IGF2BP3: variants seen among roughly 807,000 people sequenced by gnomAD.
The protein encoded by IGF2BP3 is insulin like growth factor 2 mRNA binding protein 3.
In IGF2BP3, 9 loss-of-function variants were observed where a neutral mutation model predicts 73.8. That is an observed-to-expected ratio of 0.12 (90% CI 0.07 to 0.21). The LOEUF (loss-of-function observed/expected upper bound fraction) is 0.21, where lower values mean the gene tolerates loss of function less well. IGF2BP3 is among the 10% of genes least tolerant of loss of function. IGF2BP3 has a pLI of 1.00. For missense variants in IGF2BP3, 542 were observed against 714.0 expected (o/e 0.76, Z 2.75); for synonymous variants, 258 against 256.7 (o/e 1.01, Z -0.05).
chr7:23,392,427 TATC>T (rs1323036231), intron 3 of IGF2BP3, among the ~76,000 whole-genome samples: 1 of 146,256 alleles, frequency 6.8e-6, no homozygotes, highest in Non-Finnish European at 1.5e-5. Context: ...AAGGACAGCT[TATC>T]ATCATATATA....
chr7:23,338,658 T>A (rs931026583), intron 10 of IGF2BP3, among the ~76,000 whole-genome samples: 1 of 152,204 alleles, frequency 6.6e-6, no homozygotes, highest in Non-Finnish European at 1.5e-5. Context: ...TGGCTACACA[T>A]TGGAGTCATC....
intron 2 of IGF2BP3, among the ~76,000 whole-genome samples, chr7:23,432,269 C>A (rs1458744198): frequency 3.9e-5 from 6 of 152,202 alleles, no homozygotes; most frequent in Non-Finnish European, 7.3e-5. Context: ...TGTTTTTCTA[C>A]GTACTCTCTT....
At chr7:23,330,462 G>C (rs921156383) in intron 10 of IGF2BP3, among the ~76,000 whole-genome samples, 1 of 151,596 alleles carries the variant, frequency 6.6e-6, no homozygotes, top group Non-Finnish European at 1.5e-5. Flanking sequence ...CAAGTCCCTT[G>C]ATTGGCCTTG....
intron 2 of IGF2BP3, among the ~76,000 whole-genome samples, chr7:23,463,894 T>G (rs374968656): frequency 1.3e-5 from 2 of 152,348 alleles, no homozygotes; most frequent in South Asian, 4.1e-4. Flanking sequence ...ACGCTGATCT[T>G]AAACTGAGCA....
intron 2 of IGF2BP3, among the ~76,000 whole-genome samples, chr7:23,442,108 C>T (rs555755558): frequency 6.6e-6 from 1 of 152,318 alleles, no homozygotes; most frequent in East Asian, 1.9e-4. Context: ...GCCTGGGCAA[C>T]AAGAGTGAAA....
chr7:23,342,298 T>C lies in IGF2BP3; in HGVS notation c.1078-109A>G, dbSNP rs1352120914. 5 of 1,214,500 alleles carry C rather than the reference T, an allele frequency of 4.1e-6. No individual in the cohort carries two copies. In the East Asian group the frequency reaches 7.5e-5, roughly 18 times the overall value. 75.2% of individuals were successfully genotyped at this position (1,214,500 alleles called of 1,614,324 possible). On this transcript the variant is annotated intron_variant, in intron 9 of 14. Transcript: ENST00000258729. ...GATCTCTTGTCTAATAAAGAAATGA[T>C]TGTATAACTCAAAGCAGATGTTCCA...
At chr7:23,412,591 C>T (rs77511579) in intron 3 of IGF2BP3, among the ~76,000 whole-genome samples, 7,433 of 152,200 alleles carry the variant, frequency 0.049, 578 homozygotes, top group African/African-American at 0.17. Context: ...ACAGTAAACA[C>T]AGGGAAATAT....
In IGF2BP3 at chr7:23,425,361, C is replaced by G. The variant is rs757506776; in HGVS notation, c.237-6537G>C. Among the ~76,000 whole-genome samples the G allele has an allele frequency of 2.0e-4, 30 of 152,242 alleles. No individual in the cohort carries two copies. The Middle Eastern group carries it at 0.014, about 69-fold the overall frequency. On this transcript the variant is annotated intron_variant, in intron 2 of 14. Coordinates refer to ENST00000258729, the MANE Select transcript of IGF2BP3 (RefSeq NM_006547.3). ...TTTGTATCATTTTAATAATTGTTTA[C>G]TACATAGAATTAGATATATAATAAT...
At chr7:23,385,508 T>G (rs1331363178) in intron 3 of IGF2BP3, among the ~76,000 whole-genome samples, 1 of 151,806 alleles carries the variant, frequency 6.6e-6, no homozygotes, top group African/African-American at 2.4e-5. Context: ...AACCACCGAT[T>G]CACAAGAATT....
chr7:23,318,912 G>T (rs1784062519), intron 11 of IGF2BP3, among the ~76,000 whole-genome samples: 1 of 152,168 alleles, frequency 6.6e-6, no homozygotes, highest in African/African-American at 2.4e-5. Context: ...GGACTTGGTG[G>T]GGGCAGAGCC....
intron 3 of IGF2BP3, among the ~76,000 whole-genome samples, chr7:23,404,325 T>C (rs1270026613): frequency 6.6e-6 from 1 of 152,094 alleles, no homozygotes; most frequent in Non-Finnish European, 1.5e-5. Context: ...GGCCTTCTTT[T>C]AAAAAGAAAT....
intron 3 of IGF2BP3, among the ~76,000 whole-genome samples, chr7:23,407,947 AG>A (rs1562733724): frequency 0.015 from 66 of 4,448 alleles, no homozygotes; most frequent in African/African-American, 0.025. Context: ...TGTGGGGGGC[AG>A]GGGGCGGGGG....
intron 2 of IGF2BP3, among the ~76,000 whole-genome samples, chr7:23,429,021 A>T (rs969392955): frequency 2.0e-5 from 3 of 152,112 alleles, no homozygotes; most frequent in African/African-American, 7.2e-5. Flanking sequence ...TTTAGCTTGT[A>T]TGTTTCTTGC....
At chr7:23,419,509 T>G (rs961968523) in intron 2 of IGF2BP3, among the ~76,000 whole-genome samples, 2 of 152,228 alleles carry the variant, frequency 1.3e-5, no homozygotes, top group African/African-American at 4.8e-5. Context: ...GCTAACTACA[T>G]TTTAAAATAA....
chr7:23,399,846 T>C (rs543514856), intron 3 of IGF2BP3, among the ~76,000 whole-genome samples: 30 of 152,348 alleles, frequency 2.0e-4, no homozygotes, highest in Non-Finnish European at 4.0e-4. Context: ...TTTCTCAATG[T>C]GTGTATGTTT....
chr7:23,413,343 T>C (rs1359054119), intron 3 of IGF2BP3: 1 of 151,926 alleles, frequency 6.6e-6, no homozygotes, highest in Non-Finnish European at 1.5e-5. Flanking sequence ...CAGCCGGGTG[T>C]GGTGGCAGGC....
chr7:23,389,387 C>T (rs1248642708), intron 3 of IGF2BP3, among the ~76,000 whole-genome samples: 1 of 152,090 alleles, frequency 6.6e-6, no homozygotes, highest in African/African-American at 2.4e-5. Flanking sequence ...GTCTCAAACT[C>T]GTGACCTGGT....
At chr7:23,338,838 A>G (rs779017750) in intron 10 of IGF2BP3, among the ~76,000 whole-genome samples, 1 of 152,260 alleles carries the variant, frequency 6.6e-6, no homozygotes, top group Non-Finnish European at 1.5e-5. Context: ...TAAAATAAGA[A>G]ATAAAAACAG....
intron 3 of IGF2BP3, chr7:23,362,379 A>T (rs1785252778): frequency 6.6e-6 from 1 of 152,292 alleles, no homozygotes; most frequent in Admixed American, 6.5e-5. Flanking sequence ...GGCTAGAAAA[A>T]TGAAGACAGC....
Sources: allele counts gnomAD v4.1 joint callset (sites outside exome capture counted in the v4.1 genomes callset), GRCh38; gene constraint gnomAD v4.1.1; transcripts MANE v1.5; gene names NCBI Gene and HGNC (gene_info 2026-07-23, HGNC 2026-07-21).